The following SUMF1 variants were observed in gnomAD, a reference collection of about 807,000 sequenced individuals.
The protein encoded by SUMF1 is sulfatase modifying factor 1.
A neutral mutation model predicts 47.6 loss-of-function variants in SUMF1; 48 were observed. The observed-to-expected ratio is 1.01, with a 90% CI of 0.80 to 1.28. The LOEUF (loss-of-function observed/expected upper bound fraction) is 1.28, where lower values mean the gene tolerates loss of function less well. Ranked by LOEUF, SUMF1 falls within the 50% of genes most tolerant of loss-of-function variation. SUMF1 has a pLI of 0.00. For missense variants in SUMF1, 571 were observed against 485.4 expected, an observed-to-expected ratio of 1.18 and a Z score of -1.66; for synonymous variants, 230 against 192.1, an observed-to-expected ratio of 1.20 and a Z score of -1.63.
At chr3:4,085,303 C>A (rs745344555) in intron 8 of SUMF1, among the ~76,000 whole-genome samples, 5 of 152,020 alleles carry the variant, frequency 3.3e-5, no homozygotes, top group Non-Finnish European at 5.9e-5. Flanking sequence ...TCCAAGATGA[C>A]GCCTTCTAAG....
At chr3:4,208,189 A>C (rs976533257) in intron 8 of SUMF1, among the ~76,000 whole-genome samples, 1 of 151,994 alleles carries the variant, frequency 6.6e-6, no homozygotes, top group Non-Finnish European at 1.5e-5. Context: ...AACTCCAGCC[A>C]ATTCTAGCCT....
chr3:4,137,427 A>C (rs1693963835), intron 8 of SUMF1, among the ~76,000 whole-genome samples: 1 of 150,848 alleles, frequency 6.6e-6, no homozygotes, highest in Admixed American at 6.6e-5. Flanking sequence ...AACTATGAGA[A>C]CACTTGGACA....
intron 8 of SUMF1, among the ~76,000 whole-genome samples, chr3:4,254,732 G>A (rs1696903276): frequency 6.7e-6 from 1 of 148,790 alleles, no homozygotes; most frequent in Admixed American, 6.7e-5. Context: ...TAGCAAGGCA[G>A]GCCAACGTTC....
intron 8 of SUMF1, among the ~76,000 whole-genome samples, chr3:4,348,583 G>A (rs956363120): frequency 3.9e-5 from 6 of 151,966 alleles, no homozygotes; most frequent in Non-Finnish European, 8.8e-5. Context: ...CCTCAGAAGA[G>A]GCCAGGCACA....
At chr3:4,056,937 G>A (rs371948417) in intron 9 of SUMF1, among the ~76,000 whole-genome samples, 5 of 151,622 alleles carry the variant, frequency 3.3e-5, no homozygotes, top group Non-Finnish European at 7.4e-5. Flanking sequence ...AAGCAGAGAC[G>A]GGGTTTCACC....
intron 8 of SUMF1, among the ~76,000 whole-genome samples, chr3:4,095,455 T>C (rs1345246182): frequency 6.6e-6 from 1 of 152,142 alleles, no homozygotes; most frequent in Non-Finnish European, 1.5e-5. Flanking sequence ...ATGTCTCTTT[T>C]TTTTGTAATC....
chr3:4,451,776 C>T (rs557195491), intron 2 of SUMF1, among the ~76,000 whole-genome samples: 214 of 152,300 alleles, frequency 1.4e-3, no homozygotes, highest in African/African-American at 5.0e-3. Context: ...CTCCGCCTCC[C>T]GGGTTCATGC....
At chr3:4,326,522 GTT>G (rs35648890) in intron 8 of SUMF1, among the ~76,000 whole-genome samples, 1 of 128,686 alleles carries the variant, frequency 7.8e-6, no homozygotes, top group Non-Finnish European at 1.6e-5. Flanking sequence ...TTTTCCAAGG[GTT>G]TTTTTTTTTT....
chr3:4,335,727 G>A (rs772581166), intron 8 of SUMF1, among the ~76,000 whole-genome samples: 4 of 151,972 alleles, frequency 2.6e-5, no homozygotes, highest in African/African-American at 9.7e-5. Flanking sequence ...GACAGATCAC[G>A]AGGTCAGGAG....
chr3:4,278,039 A>C (rs900330285), intron 8 of SUMF1, among the ~76,000 whole-genome samples: 1 of 152,174 alleles, frequency 6.6e-6, no homozygotes, highest in African/African-American at 2.4e-5. Flanking sequence ...CTACAACACA[A>C]GAGAGGAGTT....
chr3:4,083,319 C>T (rs921729132), intron 8 of SUMF1, among the ~76,000 whole-genome samples: 1 of 152,086 alleles, frequency 6.6e-6, no homozygotes, highest in African/African-American at 2.4e-5. Flanking sequence ...CCAAGACACA[C>T]GTTACTAAAA....
At position 4,159,101 on chromosome 3, in the gene SUMF1, G is replaced by A. The variant is rs1382883488; in HGVS notation, c.1015-90356C>T. Among the ~76,000 whole-genome samples the A allele has an allele frequency of 3.3e-5, 5 of 151,282 alleles. No individual in the cohort carries two copies. The East Asian group carries it at 9.6e-4, about 29-fold the overall frequency. On this transcript the variant is annotated intron_variant and NMD_transcript_variant, in intron 8 of 12. Transcript: ENST00000448413. ...ATAGTTCATACACCACAATTACAGT[G>A]TAATAATATTCTGTGTTTCTCTGTG...
chr3:4,237,220 G>A (rs544766222), intron 8 of SUMF1, among the ~76,000 whole-genome samples: 19 of 152,220 alleles, frequency 1.2e-4, no homozygotes, highest in Admixed American at 1.2e-3. Flanking sequence ...GTTTTGCACA[G>A]TGGCTGTACC....
At chr3:4,294,303 A>C (rs1697800042) in intron 8 of SUMF1, among the ~76,000 whole-genome samples, 1 of 152,170 alleles carries the variant, frequency 6.6e-6, no homozygotes. Flanking sequence ...GGCCACGTCC[A>C]TTCATTCTCA....
At chr3:4,452,352 T>C (rs371532712) in intron 2 of SUMF1, among the ~76,000 whole-genome samples, 4 of 152,352 alleles carry the variant, frequency 2.6e-5, no homozygotes, top group East Asian at 1.9e-4. Context: ...GGAACTGCTA[T>C]AGCACAGCAT....
intron 8 of SUMF1, among the ~76,000 whole-genome samples, chr3:4,144,525 C>T (rs1354086197): frequency 1.3e-5 from 2 of 152,066 alleles, no homozygotes; most frequent in South Asian, 2.1e-4. Flanking sequence ...AATAAAATCT[C>T]CTTTCTTTCC....
intron 3 of SUMF1, among the ~76,000 whole-genome samples, chr3:4,442,129 C>A (rs1436705246): frequency 6.6e-6 from 1 of 152,180 alleles, no homozygotes; most frequent in Admixed American, 6.5e-5. Flanking sequence ...TACTGGAAAG[C>A]ATGGAGGGAC....
intron 8 of SUMF1, among the ~76,000 whole-genome samples, chr3:4,295,981 A>G (rs369986015): frequency 2.1e-4 from 32 of 152,204 alleles, no homozygotes; most frequent in African/African-American, 7.2e-4. Flanking sequence ...ATAGCAGTCT[A>G]AACACAAAAA....
chr3:4,396,587 A>G (rs1246771925), intron 7 of SUMF1, among the ~76,000 whole-genome samples: 1 of 152,078 alleles, frequency 6.6e-6, no homozygotes, highest in East Asian at 1.9e-4. Context: ...CCCACCAACC[A>G]TTTGATGTGA....
Sources: allele counts gnomAD v4.1 joint callset (sites outside exome capture counted in the v4.1 genomes callset), GRCh38; gene constraint gnomAD v4.1.1; transcripts MANE v1.5; gene names NCBI Gene and HGNC (gene_info 2026-07-23, HGNC 2026-07-21).